The following GRID2IP variants were observed in gnomAD, a reference collection of about 807,000 sequenced individuals.
GRID2IP encodes the protein delphilin.
GRID2IP carries 78 observed loss-of-function variants against 114.3 expected under a neutral mutation model. The ratio of observed to expected loss-of-function variants is 0.68; its 90% CI spans 0.57 to 0.82. GRID2IP has a LOEUF of 0.82. Among genes scored for constraint, GRID2IP ranks in the 40% least tolerant of loss-of-function variants. The pLI is 0.00. For synonymous variants in GRID2IP, 809 were observed against 724.0 expected (o/e 1.12, Z -1.89); for missense variants, 1,727 against 1,678.5 (o/e 1.03, Z -0.51).
Position 6,539,875 on chromosome 7 carries a change from G to C in GRID2IP, c.430-3C>G. On this transcript the variant is annotated splice_polypyrimidine_tract_variant and splice_region_variant and intron_variant, in intron 1 of 21. Coordinates refer to ENST00000457091, the MANE Select transcript of GRID2IP (RefSeq NM_001145118.2). ...TGGTCCCCCAAGATTTCATCCACCT[G>C]CAAGGAGGAGTCCTGTGAATGACCA... 1 of 1,550,190 alleles carries C rather than the reference G, an allele frequency of 6.5e-7. No individual in the cohort carries two copies. Among genetic ancestry groups the C allele is most frequent in the Non-Finnish European group, 8.7e-7 (1 of 1,146,092 alleles).
chr7:6,511,021 A>T lies in GRID2IP; in HGVS notation c.1442T>A (p.Leu481Gln). 9 of 1,481,600 alleles carry T rather than the reference A, an allele frequency of 6.1e-6. No individual in the cohort carries two copies. Among genetic ancestry groups the T allele is most frequent in the Non-Finnish European group, 8.1e-6 (9 of 1,114,910 alleles). 91.8% of individuals were successfully genotyped at this position (1,481,600 alleles called of 1,614,324 possible). Residue 481 changes from leucine (L) to glutamine (Q), a missense_variant, in exon 9 of 22, where the codon CTG becomes CAG. Physicochemically the swap from Leu to Gln is moderately radical, Grantham distance 113. Coordinates refer to ENST00000457091, the MANE Select transcript of GRID2IP (RefSeq NM_001145118.2). ...AGGCGTGGGCTCGGACTCCAGGTCC[A>T]GCTCAGGCTCCGGCTCTGCTGTGGG... ...TAMTAEPEPE[L>Q]DLESEPTPEP... is the part of the protein sequence containing the mutation.
Position 6,506,770 on chromosome 7 carries a change from C to T in GRID2IP, c.2545-863G>A, listed in dbSNP as rs1461273483. 6.6e-6 allele frequency among the ~76,000 whole-genome samples: 1 copy of T among 151,654 alleles called. No homozygotes were observed. The highest frequency in any genetic ancestry group is 1.5e-5 in the Non-Finnish European group (1 of 67,946). ...CATCTTGGCTCACTGCAACCTCCAC[C>T]TGTGGGAATCAAGTGATTCTCCCTC... On this transcript the variant is annotated intron_variant, in intron 13 of 21. Coordinates refer to ENST00000457091, the MANE Select transcript of GRID2IP (RefSeq NM_001145118.2). This position sits in a 1 kb window ranked among gnomAD's most constrained non-coding sequence, Gnocchi z 5.2.
At chr7:6,529,990 G>A (rs1213644346) in intron 2 of GRID2IP, among the ~76,000 whole-genome samples, 3 of 130,956 alleles carry the variant, frequency 2.3e-5, no homozygotes, top group Non-Finnish European at 4.7e-5. Context: ...ACAAAGTCTC[G>A]CTCTGTCACA....
At position 6,521,340 on chromosome 7, in the gene GRID2IP, C is replaced by G. The variant is rs1270881263; in HGVS notation, c.1084+89G>C. The G allele has an allele frequency of 1.4e-5, 13 of 903,650 alleles. No individual in the cohort carries two copies. The highest frequency in any genetic ancestry group is 1.5e-5 in the Non-Finnish European group (9 of 604,764). The allele number at this position is 903,650 out of a possible 1,614,324, so 56.0% of individuals were successfully genotyped here. A position where few individuals can be genotyped will look rare whatever the true frequency, so the allele number is the denominator to read the frequency against. On this transcript the variant is annotated intron_variant, in intron 6 of 21. Transcript: ENST00000457091. This position sits in a 1 kb window ranked among gnomAD's most constrained non-coding sequence, Gnocchi z 4.1. Reference sequence around the variant, plus strand: ...GCAAGCTGCAGGTTTAGGGGAAGAGCTGAGTCCTCCGCACTGTGACTCTCA... The same window carrying G: ...GCAAGCTGCAGGTTTAGGGGAAGAGGTGAGTCCTCCGCACTGTGACTCTCA...
chr7:6,544,642 T>C (rs1779860131), intron 1 of GRID2IP, among the ~76,000 whole-genome samples: 1 of 152,088 alleles, frequency 6.6e-6, no homozygotes, highest in Admixed American at 6.6e-5. Flanking sequence ...TTCAAGTCTC[T>C]CTCAGGCTAT....
intron 1 of GRID2IP, among the ~76,000 whole-genome samples, chr7:6,550,626 C>T (rs977375733): frequency 8.0e-6 from 1 of 124,624 alleles, no homozygotes; most frequent in African/African-American, 3.1e-5. Context: ...GACTGACCAA[C>T]ATGGTGAAAC....
At chr7:6,505,782 G>A in intron 14 of GRID2IP, 38 bp downstream of exon 14, 1 of 1,332,152 alleles carries the variant, frequency 7.5e-7, no homozygotes. Flanking sequence ...CAGATGGTGT[G>A]GTATCTGGGG....
intron 8 of GRID2IP, among the ~76,000 whole-genome samples, chr7:6,512,568 TG>T (rs965309603): frequency 1.1e-4 from 16 of 151,738 alleles, no homozygotes; most frequent in African/African-American, 3.6e-4. Flanking sequence ...TGGAGTGTAG[TG>T]GTGCGATCTC....
rs796392882 is a variant in GRID2IP, at chr7:6,507,379, G to GA, written c.2544+605dup. On this transcript the variant is annotated intron_variant, in intron 13 of 21. Coordinates refer to ENST00000457091, the MANE Select transcript of GRID2IP (RefSeq NM_001145118.2). The surrounding 1 kb of genome is among the most constrained non-coding windows in gnomAD (Gnocchi z 5.3). ...AAACCATGTTCTAAGAGAATGATCT[G>GA]AAAAAAAAAAAAAGGGGTGGGGTGA... Among the ~76,000 whole-genome samples, 23,458 of 139,446 alleles carry GA rather than the reference G, an allele frequency of 0.17. 1,949 individuals carry two copies. Among genetic ancestry groups the GA allele is most frequent in the Admixed American group, 0.23 (3,217 of 14,024 alleles). 91.5% of individuals were successfully genotyped at this position (139,446 alleles called of 152,430 possible).
chr7:6,502,699 T>C (rs556171884), intron 18 of GRID2IP, 87 bp downstream of exon 18: 2 of 878,128 alleles, frequency 2.3e-6, no homozygotes, highest in African/African-American at 3.4e-5. Flanking sequence ...TGTCCTCTTC[T>C]GCCCTCTGCC....
At chr7:6,501,669 C>A in intron 20 of GRID2IP, 112 bp downstream of exon 20, 1 of 768,790 alleles carries the variant, frequency 1.3e-6, no homozygotes, top group South Asian at 1.5e-5. Context: ...CAACCTGTGT[C>A]CAGAATCTCT....
In GRID2IP at chr7:6,534,921, T is replaced by C. The variant is rs1583350860; in HGVS notation, c.584+4797A>G. On this transcript the variant is annotated intron_variant, in intron 2 of 21. Coordinates refer to ENST00000457091, the MANE Select transcript of GRID2IP (RefSeq NM_001145118.2). The surrounding 1 kb of genome is among the most constrained non-coding windows in gnomAD (Gnocchi z 4.5). ...TTATTTTGAGATAGAGTTTCACTCC[T>C]GTTGCCCAGGCTGGAGTGCAATGGC... Among the ~76,000 whole-genome samples, 2 of 152,264 alleles carry C rather than the reference T, an allele frequency of 1.3e-5. No individual in the cohort carries two copies. Among genetic ancestry groups the C allele is most frequent in the East Asian group, 3.9e-4 (2 of 5,180 alleles).
chr7:6,521,602 G>T lies in GRID2IP; in HGVS notation c.990-79C>A. ...GCCACCAGCCAGACCTCCCTGTCCTGCCCACAGAGGTCACACAGCAAGACC... is the reference window on the plus strand; with the variant it reads ...GCCACCAGCCAGACCTCCCTGTCCTTCCCACAGAGGTCACACAGCAAGACC... On this transcript the variant is annotated intron_variant, in intron 5 of 21. Transcript: ENST00000457091. This position sits in a 1 kb window ranked among gnomAD's most constrained non-coding sequence, Gnocchi z 4.1. 1 of 1,013,302 alleles carries T rather than the reference G, an allele frequency of 9.9e-7. No homozygotes were observed. Among genetic ancestry groups the T allele is most frequent in the South Asian group, 1.6e-5 (1 of 61,234 alleles). The allele number at this position is 1,013,302 out of a possible 1,614,324, so 62.8% of individuals were successfully genotyped here.
At chr7:6,522,879 C>A (rs1186641460) in intron 4 of GRID2IP, among the ~76,000 whole-genome samples, 4 of 151,746 alleles carry the variant, frequency 2.6e-5, no homozygotes, top group Non-Finnish European at 4.4e-5. Context: ...ATTGCCCAGG[C>A]TAGTCTCGAA....
Position 6,532,427 on chromosome 7 carries a change from C to T in GRID2IP, c.585-5658G>A, listed in dbSNP as rs1779648667. Reference sequence around the variant, plus strand: ...TACCTGCAGGCAGCACAGGGAGGACCCTCTGGTCCGATCATCGGTCTCTGG... The same window carrying T: ...TACCTGCAGGCAGCACAGGGAGGACTCTCTGGTCCGATCATCGGTCTCTGG... On this transcript the variant is annotated intron_variant, in intron 2 of 21. Transcript: ENST00000457091. This position sits in a 1 kb window ranked among gnomAD's most constrained non-coding sequence, Gnocchi z 4.4. Among the ~76,000 whole-genome samples, 2 of 152,166 alleles carry T rather than the reference C, an allele frequency of 1.3e-5. No homozygotes were observed. Among genetic ancestry groups the T allele is most frequent in the Non-Finnish European group, 2.9e-5 (2 of 68,032 alleles).
chr7:6,504,940 G>A, intron 14 of GRID2IP, 70 bp from the exon 15 acceptor site: 3 of 1,313,170 alleles, frequency 2.3e-6, no homozygotes, highest in Non-Finnish European at 3.2e-6. Flanking sequence ...CAGGGGTGGC[G>A]TGGTCACAGC....
chr7:6,503,016 TC>T lies in GRID2IP; in HGVS notation c.3054del (p.Ile1019SerfsTer30). The T allele has an allele frequency of 6.4e-7, 1 of 1,551,472 alleles. No homozygotes were observed. The highest frequency in any genetic ancestry group is 8.7e-7 in the Non-Finnish European group (1 of 1,146,958). ...AGGGTACGCCCACTGACCTCCAGGA[TC>T]TTGGCGAGCTTCCGACTGTTTTTGA... ...LELKNSRKLA[K>X]ILEFVLAMGN... On this transcript the variant is annotated frameshift_variant, in exon 17 of 22. Coordinates refer to ENST00000457091, the MANE Select transcript of GRID2IP (RefSeq NM_001145118.2). LOFTEE classifies it high-confidence loss of function.
intron 14 of GRID2IP, 41 bp downstream of exon 14, chr7:6,505,779 T>G (rs1473366148): frequency 8.5e-6 from 11 of 1,296,882 alleles, no homozygotes; most frequent in Admixed American, 5.9e-5. Context: ...CCACAGATGG[T>G]GTGGTATCTG....
chr7:6,536,896 T>G lies in GRID2IP; in HGVS notation c.584+2822A>C. The G allele has an allele frequency of 3.5e-6, 1 of 288,312 alleles. No individual in the cohort carries two copies. The highest frequency in any genetic ancestry group is 1.6e-4 in the East Asian group (1 of 6,304). The allele number at this position is 288,312 out of a possible 1,614,324, so 17.9% of individuals were successfully genotyped here. A position where few individuals can be genotyped will look rare whatever the true frequency, so the allele number is the denominator to read the frequency against. ...TATGCTCCGCTGCAGAGCCGAGAGC[T>G]GCGCCGGGGCTGGGGTGGGCGGGGG... On this transcript the variant is annotated intron_variant, in intron 2 of 21. Transcript: ENST00000457091. The surrounding 1 kb of genome is among the most constrained non-coding windows in gnomAD (Gnocchi z 5.3).
Sources: allele counts gnomAD v4.1 joint callset (sites outside exome capture counted in the v4.1 genomes callset), GRCh38; gene constraint gnomAD v4.1.1; non-coding constraint Gnocchi (gnomAD v3.1); transcripts MANE v1.5; gene names NCBI Gene and HGNC (gene_info 2026-07-23, HGNC 2026-07-21).